Variants in SLC11A1 observed in about 807,000 individuals in gnomAD.
SLC11A1 encodes solute carrier family 11 member 1.
Under a neutral mutation model 63.2 loss-of-function variants are expected in SLC11A1, and 59 were observed. The ratio of observed to expected loss-of-function variants is 0.93; its 90% CI spans 0.76 to 1.16. The LOEUF (loss-of-function observed/expected upper bound fraction) is 1.16, where lower values mean the gene tolerates loss of function less well. Ranked by LOEUF, SLC11A1 falls within the 50% of genes most tolerant of loss-of-function variation. SLC11A1 has a pLI of 0.00. For missense variants in SLC11A1, 688 were observed against 730.7 expected (o/e 0.94, Z 0.67); for synonymous variants, 305 against 307.8 (o/e 0.99, Z 0.09).
chr2:218,394,962 T>A lies in SLC11A1; in HGVS notation c.1580T>A (p.Leu527Gln), dbSNP rs778822154. ...TGCCTTGCCCACGGAGCCACCTTTC[T>A]GGCCCACAGCTCCCACCACCACTTC... ...TCCLAHGATF[L>Q]AHSSHHHFLY... The change falls in exon 15 of 15, where the codon CTG becomes CAG. Residue 527 changes from leucine to glutamine, a missense_variant. Transcript: ENST00000233202. 1 of 1,613,316 alleles carries A rather than the reference T, an allele frequency of 6.2e-7. No individual in the cohort carries two copies. Among genetic ancestry groups the A allele is most frequent in the Non-Finnish European group, 8.5e-7 (1 of 1,179,772 alleles).
Position 218,387,919 on chromosome 2 carries a change from G to GC in SLC11A1, c.763dup (p.His255ProfsTer33). On this transcript the variant is annotated frameshift_variant, in exon 8 of 15. Transcript: ENST00000233202. LOFTEE classifies it high-confidence loss of function. ...TGGGCATTGTTGGCGCCATCATCAT[G>GC]CCCCACAACATCTACCTGCACTCGG... The GC allele has an allele frequency of 6.2e-7, 1 of 1,610,658 alleles. No individual in the cohort carries two copies. Among genetic ancestry groups the GC allele is most frequent in the Non-Finnish European group, 8.5e-7 (1 of 1,178,800 alleles).
In SLC11A1 at chr2:218,394,756, G is replaced by A. The variant is rs554815475; in HGVS notation, c.1513G>A (p.Ala505Thr). The A allele has an allele frequency of 4.5e-5, 73 of 1,613,042 alleles. No homozygotes were observed. Among genetic ancestry groups the A allele is most frequent in the South Asian group, 4.0e-4 (36 of 91,096 alleles). ...AYFGLAALLAAAYLGLSTYLV... is the reference protein window; with the variant it reads ...AYFGLAALLATAYLGLSTYLV... The stretch of plus-strand genomic sequence containing the variant: ...CTTCGGCCTTGCAGCCTTGCTGGCC[G>A]CAGCCTACCTGGGCCTCAGCACCTA... The change falls in exon 14 of 15, where the codon GCA (alanine) becomes ACA (threonine). Residue 505 changes from alanine (A) to threonine (T), a missense_variant. Transcript: ENST00000233202.
chr2:218,384,980 T>C lies in SLC11A1; in HGVS notation c.274-167T>C, dbSNP rs1696002155. ...TCAAGCAATCCTCCCACCTTAGCCT[T>C]TTAAAGTGCTGGGATTACAGGGTGA... is the stretch of plus-strand genomic sequence containing the variant. On this transcript the variant is annotated intron_variant, in intron 3 of 14. Transcript: ENST00000233202. This position sits in a 1 kb window ranked among gnomAD's most constrained non-coding sequence, Gnocchi z 4.0. 2.4e-6 allele frequency: 2 copies of C among 818,572 alleles called. No individual in the cohort carries two copies. Among genetic ancestry groups the C allele is most frequent in the Admixed American group, 5.1e-5 (2 of 39,162 alleles). The allele number at this position is 818,572 out of a possible 1,614,324, so 50.7% of individuals were successfully genotyped here. A position where few individuals can be genotyped will look rare whatever the true frequency, so the allele number is the denominator to read the frequency against.
chr2:218,390,773 A>G (rs1696382278), intron 9 of SLC11A1, among the ~76,000 whole-genome samples: 1 of 152,180 alleles, frequency 6.6e-6, no homozygotes, highest in Admixed American at 6.5e-5. Flanking sequence ...AGGGCATGGC[A>G]GCCAGCTGTC....
chr2:218,394,381 G>A (rs1291191853), intron 13 of SLC11A1, 188 bp downstream of exon 13: 2 of 709,686 alleles, frequency 2.8e-6, no homozygotes, highest in Non-Finnish European at 4.7e-6. Flanking sequence ...CAGGGAAGAG[G>A]GCTGTTTCTA....
At chr2:218,385,821 A>C (rs1424688923) in intron 4 of SLC11A1, among the ~76,000 whole-genome samples, 1 of 152,114 alleles carries the variant, frequency 6.6e-6, no homozygotes, top group African/African-American at 2.4e-5. Flanking sequence ...CAAGACAAAA[A>C]ATGGGGAGGC....
At chr2:218,390,899 C>T (rs921256925) in intron 9 of SLC11A1, among the ~76,000 whole-genome samples, 2 of 152,050 alleles carry the variant, frequency 1.3e-5, no homozygotes, top group African/African-American at 4.8e-5. Flanking sequence ...AAAAAAAACC[C>T]GGCCGGGTGC....
chr2:218,382,917 A>G, intron 1 of SLC11A1, 43 bp from the exon 2 acceptor site: 4 of 1,612,364 alleles, frequency 2.5e-6, no homozygotes, highest in Non-Finnish European at 2.5e-6. Context: ...CTGGGCCACC[A>G]GAAAGAGGCA....
chr2:218,387,692 C>T, intron 7 of SLC11A1, 60 bp downstream of exon 7: 1 of 1,612,714 alleles, frequency 6.2e-7, no homozygotes, highest in Non-Finnish European at 8.5e-7. Flanking sequence ...TCTCCCTTCC[C>T]TCTGGCCGCG....
rs376820678 is a variant in SLC11A1, at chr2:218,384,399, C to A, written c.273+34C>A. On this transcript the variant is annotated intron_variant, in intron 3 of 14. Coordinates refer to ENST00000233202, the MANE Select transcript of SLC11A1 (RefSeq NM_000578.4). This position sits in a 1 kb window ranked among gnomAD's most constrained non-coding sequence, Gnocchi z 4.0. The stretch of plus-strand genomic sequence containing the variant: ...GTCGGGACCTGAGTGGGGACACTTT[C>A]GAGAGGGAGGTGACCAGGCTAAGTG... 1.9e-6 allele frequency: 3 copies of A among 1,574,108 alleles called. No individual in the cohort carries two copies. Among genetic ancestry groups the A allele is most frequent in the Non-Finnish European group, 2.6e-6 (3 of 1,151,388 alleles).
rs878947598 is a variant in SLC11A1, at chr2:218,387,974, A to G, written c.795+19A>G. On this transcript the variant is annotated intron_variant, in intron 8 of 14. Coordinates refer to ENST00000233202, the MANE Select transcript of SLC11A1 (RefSeq NM_000578.4). The stretch of plus-strand genomic sequence containing the variant: ...GGTCAAGGTGAGCAGAGGGGAGGGG[A>G]AAGGAGACCCCCTCACTCAGTCGGA... The G allele has an allele frequency of 6.3e-7, 1 of 1,581,282 alleles. No individual in the cohort carries two copies. The highest frequency in any genetic ancestry group is 1.2e-5 in the South Asian group (1 of 86,210).
At position 218,395,275 on chromosome 2, in the gene SLC11A1, A is replaced by T; in HGVS notation, c.*240A>T. The T allele has an allele frequency of 1.9e-6, 1 of 525,618 alleles. No homozygotes were observed. The highest frequency in any genetic ancestry group is 3.1e-5 in the East Asian group (1 of 32,034). The allele number at this position is 525,618 out of a possible 1,614,324, so 32.6% of individuals were successfully genotyped here. The stretch of plus-strand genomic sequence containing the variant: ...CCATGGAGGTTAAGCACTTTAACAC[A>T]GTGTCTGGCACTTGGGACAAAAACA... On this transcript the variant is annotated 3_prime_UTR_variant, in exon 15 of 15. Coordinates refer to ENST00000233202, the MANE Select transcript of SLC11A1 (RefSeq NM_000578.4).
chr2:218,391,424 G>T lies in SLC11A1; in HGVS notation c.1093G>T (p.Ala365Ser). 1 of 1,613,872 alleles carries T rather than the reference G, an allele frequency of 6.2e-7. No individual in the cohort carries two copies. Among genetic ancestry groups the T allele is most frequent in the African/African-American group, 1.3e-5 (1 of 75,050 alleles). Reference protein sequence around the residue: ...LFGPAALYIWAIGLLAAGQSS... With the variant: ...LFGPAALYIWSIGLLAAGQSS... ...CGGCCCCGCGGCCCTCTACATCTGGGCCATAGGTCTCCTGGCGGCTGGGCA... is the reference window on the plus strand; with the variant it reads ...CGGCCCCGCGGCCCTCTACATCTGGTCCATAGGTCTCCTGGCGGCTGGGCA... The change falls in exon 11 of 15, where the codon GCC becomes TCC. Residue 365 changes from alanine (A) to serine (S), a missense_variant. Transcript: ENST00000233202.
chr2:218,394,947 A>T lies in SLC11A1; in HGVS notation c.1565A>T (p.His522Leu). 1 of 1,613,242 alleles carries T rather than the reference A, an allele frequency of 6.2e-7. No homozygotes were observed. The change falls in exon 15 of 15, where the codon CAC (histidine) becomes CTC (leucine). Residue 522 changes from histidine to leucine, a missense_variant. Physicochemically the swap from His to Leu is moderately conservative, Grantham distance 99. Coordinates refer to ENST00000233202, the MANE Select transcript of SLC11A1 (RefSeq NM_000578.4). ...TYLVWTCCLAHGATFLAHSSH... is the reference protein window; with the variant it reads ...TYLVWTCCLALGATFLAHSSH... ...CAGGTCTGGACCTGTTGCCTTGCCCACGGAGCCACCTTTCTGGCCCACAGC... is the reference window on the plus strand; with the variant it reads ...CAGGTCTGGACCTGTTGCCTTGCCCTCGGAGCCACCTTTCTGGCCCACAGC...
rs1696745491 is a variant in SLC11A1 at position 218,396,116 on chromosome 2, C to A, written c.*1081C>A. 1 of 152,270 alleles carries A rather than the reference C, an allele frequency of 6.6e-6. No homozygotes were observed. The highest frequency in any genetic ancestry group is 1.5e-5 in the Non-Finnish European group (1 of 68,054). 9.4% of individuals were successfully genotyped at this position (152,270 alleles called of 1,614,324 possible). ...CAGAGACGGTCCCGACGCCCGCCAT[C>A]CCGCCCCGGCCTCACCCCTCCCCGC... On this transcript the variant is annotated 3_prime_UTR_variant, in exon 15 of 15. Transcript: ENST00000233202.
rs1194426610 is a variant in SLC11A1 at position 218,382,829 on chromosome 2, GA to G, written c.8-130del. The G allele has an allele frequency of 1.2e-5, 13 of 1,081,066 alleles. No individual in the cohort carries two copies. The East Asian group carries it at 3.1e-4, about 26-fold the overall frequency. The allele number at this position is 1,081,066 out of a possible 1,614,324, so 67.0% of individuals were successfully genotyped here. On this transcript the variant is annotated intron_variant, in intron 1 of 14. Coordinates refer to ENST00000233202, the MANE Select transcript of SLC11A1 (RefSeq NM_000578.4). Reference sequence around the variant, plus strand: ...GTTTGTTTGAGAGGTGGAGGTGATGGACCCAAGATGGGGGCCAGGGACCTTA... The same window carrying G: ...GTTTGTTTGAGAGGTGGAGGTGATGGCCCAAGATGGGGGCCAGGGACCTTA...
intron 5 of SLC11A1, 101 bp downstream of exon 5, chr2:218,386,842 G>T: frequency 1.2e-6 from 1 of 866,118 alleles, no homozygotes; most frequent in East Asian, 2.6e-5. Flanking sequence ...TTATCCTGCT[G>T]TCCCCTCTGA....
chr2:218,387,789 C>T lies in SLC11A1; in HGVS notation c.640-11C>T, dbSNP rs757696871. The stretch of plus-strand genomic sequence containing the variant: ...GGGCGGGGCTTGTCCTGACCAGGCT[C>T]CTCCCTGCAGTATGTGGTGGCGCGT... On this transcript the variant is annotated splice_polypyrimidine_tract_variant and intron_variant, in intron 7 of 14. Transcript: ENST00000233202. 1.2e-6 allele frequency: 2 copies of T among 1,610,506 alleles called. No individual in the cohort carries two copies. The highest frequency in any genetic ancestry group is 1.7e-6 in the Non-Finnish European group (2 of 1,178,824).
Position 218,394,632 on chromosome 2 carries a change from G to A in SLC11A1, c.1389G>A (p.Leu463=). ...PTLMQEFANG[L]LNKVVTSSIM... Reference sequence around the variant, plus strand: ...CCTGAGCCTCTCTCGTGTCCCCCAGGCTGAACAAGGTCGTCACCTCTTCCA... The same window carrying A: ...CCTGAGCCTCTCTCGTGTCCCCCAGACTGAACAAGGTCGTCACCTCTTCCA... The change falls in exon 14 of 15, where the codon CTG becomes CTA. Residue 463 remains leucine (L), a splice_region_variant and synonymous_variant. Transcript: ENST00000233202. 2 of 1,613,448 alleles carry A rather than the reference G, an allele frequency of 1.2e-6. No individual in the cohort carries two copies. The highest frequency in any genetic ancestry group is 1.7e-6 in the Non-Finnish European group (2 of 1,180,002).
Sources: allele counts gnomAD v4.1 joint callset (sites outside exome capture counted in the v4.1 genomes callset), GRCh38; gene constraint gnomAD v4.1.1; non-coding constraint Gnocchi (gnomAD v3.1); transcripts MANE v1.5; gene names NCBI Gene and HGNC (gene_info 2026-07-23, HGNC 2026-07-21).